Variants in TPRG1 observed in about 807,000 individuals in gnomAD.
TPRG1 encodes tumor protein p63 regulated 1.
Under a neutral mutation model 29.3 loss-of-function variants are expected in TPRG1, and 29 were observed. That is an observed-to-expected ratio of 0.99 (90% confidence interval 0.74 to 1.35). TPRG1 has a LOEUF of 1.35. Among genes scored for constraint, TPRG1 ranks in the 40% most tolerant of loss-of-function variants. The pLI is 0.00. For synonymous variants in TPRG1, 130 were observed against 116.8 expected, an observed-to-expected ratio of 1.11 and a Z score of -0.73; for missense variants, 327 against 335.0, an observed-to-expected ratio of 0.98 and a Z score of 0.19.
At chr3:189,217,143 A>G (rs1736191979) in intron 3 of TPRG1, among the ~76,000 whole-genome samples, 2 of 152,198 alleles carry the variant, frequency 1.3e-5, no homozygotes, top group African/African-American at 4.8e-5. Context: ...TAAATTGTCC[A>G]AAACTAAGTC....
chr3:189,232,384 T>C (rs1578946531), intron 3 of TPRG1, among the ~76,000 whole-genome samples: 1 of 152,184 alleles, frequency 6.6e-6, no homozygotes, highest in East Asian at 1.9e-4. Context: ...CAGCAGGAAA[T>C]GAAGGGTTGA....
At chr3:189,222,268 T>G (rs1328830917) in intron 3 of TPRG1, among the ~76,000 whole-genome samples, 2 of 152,120 alleles carry the variant, frequency 1.3e-5, no homozygotes, top group African/African-American at 4.8e-5. Context: ...CACAGTCTCA[T>G]TATGTTATCA....
rs187707936 is a variant in TPRG1, at chr3:189,065,652, G to A, written c.-463+41706G>A. 1.9e-3 allele frequency among the ~76,000 whole-genome samples: 284 copies of A among 152,058 alleles called. 3 individuals carry two copies. In the Middle Eastern group the frequency reaches 0.031, roughly 16 times the overall value. ...AAAAACATTTAGCAAGTTATAAATA[G>A]GAATTACTATGACTTGATATGAACA... On this transcript the variant is annotated intron_variant, in intron 4 of 10. Transcript: ENST00000433971.
At chr3:189,290,458 A>G (rs1158898508) in intron 4 of TPRG1, among the ~76,000 whole-genome samples, 4 of 152,256 alleles carry the variant, frequency 2.6e-5, no homozygotes, top group African/African-American at 9.6e-5. Context: ...AGATGACTTG[A>G]TGATATCTTT....
At chr3:189,045,119 G>T (rs1422881019) in intron 4 of TPRG1, among the ~76,000 whole-genome samples, 1 of 152,136 alleles carries the variant, frequency 6.6e-6, no homozygotes, top group Non-Finnish European at 1.5e-5. Flanking sequence ...ATGGGTTAAG[G>T]TCTATTTTTA....
intron 4 of TPRG1, among the ~76,000 whole-genome samples, chr3:189,082,775 C>G (rs1336433607): frequency 2.0e-5 from 3 of 152,160 alleles, no homozygotes; most frequent in African/African-American, 7.2e-5. Flanking sequence ...CTGTAACTGA[C>G]ACTTTAAAAG....
intron 4 of TPRG1, among the ~76,000 whole-genome samples, chr3:189,300,463 GA>G (rs1257990119): frequency 6.6e-6 from 1 of 152,100 alleles, no homozygotes; most frequent in African/African-American, 2.4e-5. Context: ...TTCAAAAGAA[GA>G]AAAAGAGTTG....
rs180811597 is a variant in TPRG1, at chr3:189,059,282, A to T, written c.-463+35336A>T. Among the ~76,000 whole-genome samples, 34 of 152,298 alleles carry T rather than the reference A, an allele frequency of 2.2e-4. No homozygotes were observed. The South Asian group carries it at 4.1e-3, about 19-fold the overall frequency. Reference sequence around the variant, plus strand: ...TTAAGTACTTCACAAATATTAACTCAATTAAATCTTAGAAAAAGTCTGTGA... The same window carrying T: ...TTAAGTACTTCACAAATATTAACTCTATTAAATCTTAGAAAAAGTCTGTGA... On this transcript the variant is annotated intron_variant, in intron 4 of 10. Transcript: ENST00000433971.
At chr3:189,040,546 G>A (rs1714563957) in intron 4 of TPRG1, among the ~76,000 whole-genome samples, 2 of 151,964 alleles carry the variant, frequency 1.3e-5, no homozygotes, top group South Asian at 4.2e-4. Context: ...TGTGGCTAAG[G>A]CTCTTGGCAT....
intron 4 of TPRG1, among the ~76,000 whole-genome samples, chr3:189,084,791 G>GT (rs1173742562): frequency 1.3e-5 from 2 of 152,078 alleles, no homozygotes; most frequent in African/African-American, 2.4e-5. Flanking sequence ...GACATCATGC[G>GT]TAAGAGGAAA....
chr3:189,022,829 C>G (rs555673825), intron 3 of TPRG1, among the ~76,000 whole-genome samples: 1 of 152,202 alleles, frequency 6.6e-6, no homozygotes, highest in African/African-American at 2.4e-5. Context: ...CCCCCAGCCT[C>G]GCTGCCGCCT....
At chr3:189,002,671 C>A (rs1340931415) in intron 2 of TPRG1, among the ~76,000 whole-genome samples, 2 of 152,114 alleles carry the variant, frequency 1.3e-5, no homozygotes, top group African/African-American at 4.8e-5. Flanking sequence ...TGATAAATTA[C>A]CCGAAGGAAT....
chr3:189,087,684 T>A (rs1243661557), intron 4 of TPRG1, among the ~76,000 whole-genome samples: 1 of 152,204 alleles, frequency 6.6e-6, no homozygotes, highest in African/African-American at 2.4e-5. Context: ...AGTTTTTGTA[T>A]AAGGTGTAAG....
chr3:189,094,151 T>C (rs1033960795), intron 4 of TPRG1, among the ~76,000 whole-genome samples: 1 of 152,136 alleles, frequency 6.6e-6, no homozygotes, highest in African/African-American at 2.4e-5. Context: ...GACCATCAGA[T>C]GAGTCCTAAA....
At chr3:189,300,955 A>G (rs924512084) in intron 4 of TPRG1, among the ~76,000 whole-genome samples, 1 of 152,016 alleles carries the variant, frequency 6.6e-6, no homozygotes, top group African/African-American at 2.4e-5. Flanking sequence ...ATTCCTTTCT[A>G]ATTTTCAGGT....
chr3:189,120,118 A>C (rs1358786729), intron 1 of TPRG1: 1 of 152,298 alleles, frequency 6.6e-6, no homozygotes, highest in East Asian at 1.9e-4. Flanking sequence ...AGTATCTGTC[A>C]GAGGCAGTGG....
chr3:189,049,504 G>A (rs1055677188), intron 4 of TPRG1, among the ~76,000 whole-genome samples: 4 of 152,144 alleles, frequency 2.6e-5, no homozygotes, highest in Admixed American at 6.6e-5. Context: ...CTGGTCCGAG[G>A]AGAGTCTGAC....
chr3:189,280,445 A>G (rs1275218084), intron 4 of TPRG1, among the ~76,000 whole-genome samples: 1 of 152,146 alleles, frequency 6.6e-6, no homozygotes, highest in Admixed American at 6.5e-5. Flanking sequence ...TTCATATAAC[A>G]TGTGTATTAA....
rs1711998084 is a variant in TPRG1, at chr3:189,001,113, TA to T, written c.-878+205del. Among the ~76,000 whole-genome samples the T allele has an allele frequency of 2.0e-5, 3 of 152,168 alleles. No homozygotes were observed. In the South Asian group the frequency reaches 6.2e-4, roughly 31 times the overall value. On this transcript the variant is annotated intron_variant, in intron 2 of 10. Transcript: ENST00000433971. ...ATTGGAGTTTTAACTAGAATGGTCTTAAATGTAAAAATGAATTTTGGAGAAT... is the reference window on the plus strand; with the variant it reads ...ATTGGAGTTTTAACTAGAATGGTCTTAATGTAAAAATGAATTTTGGAGAAT...
Sources: allele counts gnomAD v4.1 joint callset (sites outside exome capture counted in the v4.1 genomes callset), GRCh38; gene constraint gnomAD v4.1.1; transcripts MANE v1.5; gene names NCBI Gene and HGNC (gene_info 2026-07-23, HGNC 2026-07-21).